NUP210L: variants seen among roughly 807,000 people sequenced by gnomAD.
NUP210L encodes nuclear pore membrane glycoprotein 210-like.
In NUP210L, 74 loss-of-function variants were observed where a neutral mutation model predicts 208.5. The ratio of observed to expected loss-of-function variants is 0.35; its 90% CI spans 0.29 to 0.43. The LOEUF is 0.43. Ranked by LOEUF, NUP210L falls within the 20% of genes least tolerant of loss-of-function variation. The pLI, the probability that NUP210L is intolerant of heterozygous loss-of-function variation, is 1.00. For synonymous variants in NUP210L, 780 were observed against 816.9 expected (o/e 0.95, Z 0.77); for missense variants, 1,843 against 2,289.4 (o/e 0.81, Z 3.98).
intron 33 of NUP210L, among the ~76,000 whole-genome samples, chr1:154,012,686 G>A (rs868101166): frequency 4.6e-5 from 7 of 151,932 alleles, no homozygotes; most frequent in Admixed American, 2.6e-4. Context: ...GGGACTACAC[G>A]TATGTGTCAC....
intron 10 of NUP210L, among the ~76,000 whole-genome samples, chr1:154,125,798 C>T (rs77770669): frequency 2.1e-5 from 2 of 96,684 alleles, no homozygotes; most frequent in Non-Finnish European, 4.0e-5. Flanking sequence ...GACGGAGTCT[C>T]GCTCTGTCGC....
chr1:154,048,003 A>G (rs1393856556), intron 25 of NUP210L, among the ~76,000 whole-genome samples: 1 of 152,186 alleles, frequency 6.6e-6, no homozygotes, highest in African/African-American at 2.4e-5. Flanking sequence ...CAGGGTAACA[A>G]TGGAACAAGT....
intron 35 of NUP210L, among the ~76,000 whole-genome samples, chr1:154,003,743 C>T (rs1650346381): frequency 6.6e-6 from 1 of 152,090 alleles, no homozygotes; most frequent in Admixed American, 6.6e-5. Context: ...CCACTTCAGC[C>T]TCCTAAAACA....
chr1:154,036,316 G>A (rs1245442797), intron 27 of NUP210L, among the ~76,000 whole-genome samples: 1 of 5,138 alleles, frequency 1.9e-4, no homozygotes, highest in African/African-American at 1.1e-3. Context: ...GTTGGAACAT[G>A]TGTGTGTGTG....
chr1:154,064,551 C>G (rs1401146630), intron 17 of NUP210L, among the ~76,000 whole-genome samples: 1 of 152,048 alleles, frequency 6.6e-6, no homozygotes. Flanking sequence ...TTAGGTCTCC[C>G]TGAAGCTCTC....
chr1:154,041,137 A>C, intron 27 of NUP210L, among the ~76,000 whole-genome samples: 1 of 151,266 alleles, frequency 6.6e-6, no homozygotes, highest in South Asian at 2.1e-4. Flanking sequence ...CCTAATTTTA[A>C]AACTTTTTTA....
At position 154,046,084 on chromosome 1, in the gene NUP210L, C is replaced by T. The variant is rs1653159657; in HGVS notation, c.3681G>A (p.Val1227=). The change falls in exon 27 of 40, where the codon GTG becomes GTA. Residue 1227 remains valine, a synonymous_variant. Coordinates refer to ENST00000368559, the Ensembl canonical transcript of NUP210L. ...AAATTCTTACCTCTGAATGCCTGGGCACTAGATCCAATACATCCCTTTTGC... is the reference window on the plus strand; with the variant it reads ...AAATTCTTACCTCTGAATGCCTGGGTACTAGATCCAATACATCCCTTTTGC... 3 of 1,614,056 alleles carry T rather than the reference C, an allele frequency of 1.9e-6. No homozygotes were observed. In the East Asian group the frequency reaches 6.7e-5, roughly 36 times the overall value.
At chr1:154,112,519 A>G (rs1309762587) in intron 12 of NUP210L, among the ~76,000 whole-genome samples, 3 of 152,146 alleles carry the variant, frequency 2.0e-5, no homozygotes, top group Non-Finnish European at 2.9e-5. Flanking sequence ...TGATGTGACT[A>G]TTATGCATTG....
At chr1:154,026,706 A>C (rs1316706846) in intron 29 of NUP210L, among the ~76,000 whole-genome samples, 2 of 152,224 alleles carry the variant, frequency 1.3e-5, no homozygotes, top group Admixed American at 6.5e-5. Context: ...ATATAATGGA[A>C]TACTATTCAG....
intron 15 of NUP210L, among the ~76,000 whole-genome samples, chr1:154,091,440 C>T (rs1390722535): frequency 2.6e-5 from 4 of 151,564 alleles, no homozygotes; most frequent in African/African-American, 7.3e-5. Flanking sequence ...CTCTAAGCAA[C>T]CCAAGTGTCC....
At chr1:154,023,652 ATTC>A (rs1651689500) in intron 30 of NUP210L, among the ~76,000 whole-genome samples, 1 of 151,778 alleles carries the variant, frequency 6.6e-6, no homozygotes, top group Non-Finnish European at 1.5e-5. Flanking sequence ...TAATTTTTCT[ATTC>A]TTAGTAGAGA....
chr1:154,152,666 T>C, intron 2 of NUP210L, 70 bp downstream of exon 2: 1 of 1,354,732 alleles, frequency 7.4e-7, no homozygotes, highest in Non-Finnish European at 1.0e-6. Context: ...TTGTGTTAAC[T>C]ATCTATACAA....
At chr1:154,098,884 C>G (rs779160817) in intron 14 of NUP210L, among the ~76,000 whole-genome samples, 6 of 152,210 alleles carry the variant, frequency 3.9e-5, no homozygotes, top group Non-Finnish European at 5.9e-5. Context: ...GCTGTAGGTG[C>G]CAAGGGGCAC....
intron 2 of NUP210L, among the ~76,000 whole-genome samples, chr1:154,152,411 T>C (rs943587407): frequency 6.6e-6 from 1 of 151,770 alleles, no homozygotes; most frequent in African/African-American, 2.4e-5. Flanking sequence ...CCACCTCAGG[T>C]GATCCACCCA....
intron 35 of NUP210L, among the ~76,000 whole-genome samples, chr1:154,005,151 T>A (rs1346857543): frequency 6.6e-6 from 1 of 151,654 alleles, no homozygotes; most frequent in Non-Finnish European, 1.5e-5. Flanking sequence ...GTGCCCGGCC[T>A]CCTCTTTTCT....
At chr1:154,039,379 G>A (rs1308938130) in intron 27 of NUP210L, among the ~76,000 whole-genome samples, 14 of 151,798 alleles carry the variant, frequency 9.2e-5, no homozygotes, top group Non-Finnish European at 1.8e-4. Flanking sequence ...GATTACAGGT[G>A]CCTGCCACCA....
At chr1:154,051,941 T>C (rs1011742979) in intron 25 of NUP210L, among the ~76,000 whole-genome samples, 3 of 152,238 alleles carry the variant, frequency 2.0e-5, no homozygotes, top group Non-Finnish European at 4.4e-5. Context: ...ATTACTGGTA[T>C]CCCATATAAT....
At chr1:154,061,380 A>C (rs1425591782) in intron 18 of NUP210L, among the ~76,000 whole-genome samples, 1 of 149,998 alleles carries the variant, frequency 6.7e-6, no homozygotes, top group African/African-American at 2.4e-5. Flanking sequence ...TTCATCTCAA[A>C]TAATAATAAT....
chr1:154,091,498 T>A (rs969770839), intron 15 of NUP210L, among the ~76,000 whole-genome samples: 3 of 149,886 alleles, frequency 2.0e-5, no homozygotes, highest in Non-Finnish European at 4.4e-5. Flanking sequence ...TTTCTTTTCT[T>A]TTCTTTTTTT....
Sources: gnomAD v4.1 joint callset for allele counts (sites outside exome capture counted in the v4.1 genomes callset) on GRCh38, gnomAD v4.1.1 for gene constraint, MANE v1.5 for transcripts, NCBI Gene and HGNC (gene_info 2026-07-23, HGNC 2026-07-21) for gene names.